PHACTR1: variants seen among roughly 807,000 people sequenced by gnomAD.
PHACTR1 encodes phosphatase and actin regulator 1.
Under a neutral mutation model 69.2 loss-of-function variants are expected in PHACTR1, and 16 were observed. The observed-to-expected ratio is 0.23, with a 90% confidence interval of 0.16 to 0.35. PHACTR1 has a LOEUF of 0.35. Among genes scored for constraint, PHACTR1 ranks in the 10% least tolerant of loss-of-function variants. PHACTR1 has a pLI of 1.00. For synonymous variants in PHACTR1, 312 were observed against 284.5 expected (o/e 1.10, Z -0.97); for missense variants, 510 against 734.7 (o/e 0.69, Z 3.54).
Position 13,160,245 on chromosome 6 carries a change from C to A in PHACTR1, c.457C>A (p.Leu153Met). 6.2e-7 allele frequency: 1 copy of A among 1,613,756 alleles called. No individual in the cohort carries two copies. Among genetic ancestry groups the A allele is most frequent in the Non-Finnish European group, 8.5e-7 (1 of 1,179,728 alleles). ...KISMRQSREELIKRGVLKEIY... is the reference protein window; with the variant it reads ...KISMRQSREEMIKRGVLKEIY... ...ATCTATGAGGCAAAGCAGAGAAGAG[C>A]TGATAAAGCGAGGAGTCCTGAAGGA... The change falls in exon 6 of 15, where the codon CTG (leucine) becomes ATG (methionine). Residue 153 changes from leucine to methionine, a missense_variant. Leu to Met is a conservative substitution (Grantham distance 15). Coordinates refer to ENST00000332995, the MANE Select transcript of PHACTR1 (RefSeq NM_030948.6).
chr6:13,154,582 C>T (rs1757906130), intron 5 of PHACTR1, among the ~76,000 whole-genome samples: 1 of 152,148 alleles, frequency 6.6e-6, no homozygotes, highest in African/African-American at 2.4e-5. Context: ...TGCTCTCATG[C>T]TTTTCCAGCA....
chr6:12,818,923 T>C (rs1421003493), intron 4 of PHACTR1, among the ~76,000 whole-genome samples: 1 of 152,162 alleles, frequency 6.6e-6, no homozygotes, highest in East Asian at 1.9e-4. Flanking sequence ...TTCAAGAAAA[T>C]GCAGGCATAG....
At chr6:13,071,404 G>A (rs1809502603) in intron 5 of PHACTR1, among the ~76,000 whole-genome samples, 1 of 152,078 alleles carries the variant, frequency 6.6e-6, no homozygotes, top group East Asian at 1.9e-4. Context: ...CTCCAGCCTG[G>A]GTGACAGAGT....
intron 10 of PHACTR1, among the ~76,000 whole-genome samples, chr6:13,247,326 CGTGTGTGTGTGT>C (rs60972913): frequency 2.7e-4 from 37 of 139,086 alleles, no homozygotes; most frequent in Admixed American, 7.9e-4. Flanking sequence ...CAAGTTCCCT[CGTGTGTGTGTGT>C]GTGTGTGTGT....
intron 5 of PHACTR1, among the ~76,000 whole-genome samples, chr6:13,089,874 G>A (rs1812939819): frequency 6.6e-6 from 1 of 152,186 alleles, no homozygotes; most frequent in Non-Finnish European, 1.5e-5. Context: ...CACATGCCCT[G>A]TAGCATCTGC....
intron 4 of PHACTR1, among the ~76,000 whole-genome samples, chr6:12,780,247 C>CTGTGTG (rs1325407050): frequency 4.1e-5 from 4 of 96,548 alleles, no homozygotes; most frequent in Admixed American, 1.3e-4. Context: ...TATATCTTTT[C>CTGTGTG]TCTGTGTGTG....
chr6:12,877,614 G>T (rs1056719512), intron 4 of PHACTR1, among the ~76,000 whole-genome samples: 2 of 152,004 alleles, frequency 1.3e-5, no homozygotes, highest in Non-Finnish European at 2.9e-5. Context: ...AACTCTGAAG[G>T]GTCCCTAGGT....
chr6:12,962,722 G>C lies in PHACTR1; in HGVS notation c.251-90643G>C, dbSNP rs1371512687. 3.3e-5 allele frequency among the ~76,000 whole-genome samples: 5 copies of C among 152,312 alleles called. No individual in the cohort carries two copies. The South Asian group carries it at 1.0e-3, about 32-fold the overall frequency. Reference sequence around the variant, plus strand: ...GTGGTGACAGCTGTTCTTGGAGAATGGATTTAACATAGTTTTGAATTAGAT... The same window carrying C: ...GTGGTGACAGCTGTTCTTGGAGAATCGATTTAACATAGTTTTGAATTAGAT... On this transcript the variant is annotated intron_variant, in intron 4 of 14. Coordinates refer to ENST00000332995, the MANE Select transcript of PHACTR1 (RefSeq NM_030948.6).
chr6:13,070,372 C>T (rs752028030), intron 5 of PHACTR1, among the ~76,000 whole-genome samples: 2 of 152,148 alleles, frequency 1.3e-5, no homozygotes, highest in Non-Finnish European at 2.9e-5. Context: ...GAGTGCCCAC[C>T]TGACAAGTGT....
intron 4 of PHACTR1, among the ~76,000 whole-genome samples, chr6:12,992,926 C>T (rs1796984946): frequency 6.6e-6 from 1 of 152,176 alleles, no homozygotes; most frequent in Admixed American, 6.5e-5. Flanking sequence ...GCCTCCCCAC[C>T]TTAATCTTTT....
chr6:13,182,822 A>G (rs1420477910), intron 7 of PHACTR1, 136 bp downstream of exon 7: 1 of 831,530 alleles, frequency 1.2e-6, no homozygotes, highest in Non-Finnish European at 1.7e-6. Context: ...TTAGTGAAAC[A>G]GATTAGTTTT....
intron 13 of PHACTR1, among the ~76,000 whole-genome samples, chr6:13,284,517 C>CAA (rs58847683): frequency 0.014 from 554 of 40,014 alleles, 42 homozygotes; most frequent in Admixed American, 0.042. Context: ...AACTCCATCT[C>CAA]AAAAAAAAAA....
At chr6:12,870,121 G>GA (rs34371420) in intron 4 of PHACTR1, among the ~76,000 whole-genome samples, 1,873 of 137,300 alleles carry the variant, frequency 0.014, 13 homozygotes, top group African/African-American at 0.02. Context: ...TAAGGACATG[G>GA]AAAAAAAAAA....
Position 13,230,108 on chromosome 6 carries a change from G to A in PHACTR1, c.1306G>A (p.Glu436Lys). The A allele has an allele frequency of 6.2e-7, 1 of 1,611,414 alleles. No individual in the cohort carries two copies. Among genetic ancestry groups the A allele is most frequent in the Non-Finnish European group, 8.5e-7 (1 of 1,178,928 alleles). ...IKLSNRPSKR[E>K]LEEKNILPRQ... ...ACTCAGCAACAGGCCCTCCAAGCGAGAGCTGGAAGAAAAGAACATCCTTCC... is the reference window on the plus strand; with the variant it reads ...ACTCAGCAACAGGCCCTCCAAGCGAAAGCTGGAAGAAAAGAACATCCTTCC... The change falls in exon 10 of 15, where the codon GAG (glutamate) becomes AAG (lysine). Residue 436 changes from glutamate to lysine, a missense_variant. Coordinates refer to ENST00000332995, the MANE Select transcript of PHACTR1 (RefSeq NM_030948.6).
chr6:13,286,982 C>G, intron 14 of PHACTR1, 81 bp from the exon 15 acceptor site: 1 of 1,487,242 alleles, frequency 6.7e-7, no homozygotes, highest in Non-Finnish European at 9.2e-7. Flanking sequence ...TCAAGAACCT[C>G]CCTGAAGATG....
intron 5 of PHACTR1, among the ~76,000 whole-genome samples, chr6:13,124,814 C>G (rs978245739): frequency 3.9e-5 from 6 of 152,200 alleles, no homozygotes; most frequent in African/African-American, 1.4e-4. Flanking sequence ...CCAGCAAGCT[C>G]TCTGGTGTCT....
chr6:12,988,468 G>T (rs1356874277), intron 4 of PHACTR1, among the ~76,000 whole-genome samples: 2 of 152,198 alleles, frequency 1.3e-5, no homozygotes, highest in African/African-American at 2.4e-5. Context: ...TGGCTACAAA[G>T]TTATCAGCGA....
intron 4 of PHACTR1, among the ~76,000 whole-genome samples, chr6:12,818,777 T>C (rs562283200): frequency 6.0e-4 from 91 of 152,348 alleles, no homozygotes; most frequent in African/African-American, 2.0e-3. Flanking sequence ...CTCTCACCCA[T>C]ACCAACATAG....
intron 4 of PHACTR1, among the ~76,000 whole-genome samples, chr6:12,990,451 C>T (rs1168694133): frequency 6.6e-6 from 1 of 152,214 alleles, no homozygotes; most frequent in Non-Finnish European, 1.5e-5. Flanking sequence ...GAATGAATTT[C>T]ACTCGCTCGA....
Sources: allele counts gnomAD v4.1 joint callset (sites outside exome capture counted in the v4.1 genomes callset), GRCh38; gene constraint gnomAD v4.1.1; transcripts MANE v1.5; gene names NCBI Gene and HGNC (gene_info 2026-07-23, HGNC 2026-07-21).